The following NPFFR1 variants were observed in gnomAD, a reference collection of about 807,000 sequenced individuals.
The protein encoded by NPFFR1 is G-protein coupled receptor 147.
A neutral mutation model predicts 12.7 loss-of-function variants in NPFFR1; 17 were observed. That is an observed-to-expected ratio of 1.34 (90% CI 0.92 to 2.01). The LOEUF (loss-of-function observed/expected upper bound fraction) is 2.01. Among genes scored for constraint, NPFFR1 ranks in the 30% most tolerant of loss-of-function variants. The pLI is 0.00. For missense variants in NPFFR1, 604 were observed against 606.5 expected (o/e 1.00, Z 0.04); for synonymous variants, 296 against 264.5 (o/e 1.12, Z -1.16).
intron 1 of NPFFR1, among the ~76,000 whole-genome samples, chr10:70,270,215 G>C (rs1200305549): frequency 2.0e-5 from 3 of 152,060 alleles, no homozygotes; most frequent in Non-Finnish European, 2.9e-5. Flanking sequence ...CTGTAGGAAG[G>C]AAAAAAAGAA....
At chr10:70,257,891 T>G (rs1035278334) in intron 3 of NPFFR1, among the ~76,000 whole-genome samples, 3 of 152,216 alleles carry the variant, frequency 2.0e-5, no homozygotes, top group Non-Finnish European at 4.4e-5. Context: ...TAAATCTGGC[T>G]TACGTGCACG....
chr10:70,264,636 A>G (rs1375926523), intron 2 of NPFFR1, among the ~76,000 whole-genome samples: 1 of 152,130 alleles, frequency 6.6e-6, no homozygotes, highest in African/African-American at 2.4e-5. Flanking sequence ...GGGAAGTAAA[A>G]GTACGGGACT....
At chr10:70,263,491 T>G (rs1222878743) in intron 2 of NPFFR1, among the ~76,000 whole-genome samples, 1 of 152,076 alleles carries the variant, frequency 6.6e-6, no homozygotes, top group African/African-American at 2.4e-5. Context: ...GCCAGGATGG[T>G]CTCGATCTCC....
In NPFFR1 at chr10:70,252,703, G is replaced by A. The variant is rs1339409167; in HGVS notation, c.*2254C>T. On this transcript the variant is annotated 3_prime_UTR_variant, in exon 4 of 4. Transcript: ENST00000277942. ...AAAATAACAGCAAAATATGTTAATT[G>A]TAACCTTCAGCGAGAGCTGAAGGAG... 1 of 152,206 alleles carries A rather than the reference G, an allele frequency of 6.6e-6. No individual in the cohort carries two copies. The highest frequency in any genetic ancestry group is 1.5e-5 in the Non-Finnish European group (1 of 68,044). 9.4% of individuals were successfully genotyped at this position (152,206 alleles called of 1,614,324 possible). A position where few individuals can be genotyped will look rare whatever the true frequency, so the allele number is the denominator to read the frequency against.
intron 1 of NPFFR1, among the ~76,000 whole-genome samples, chr10:70,272,853 G>A (rs1840764058): frequency 6.6e-6 from 1 of 152,208 alleles, no homozygotes; most frequent in South Asian, 2.1e-4. Context: ...CTCAGGATGA[G>A]AGGGAAAGTA....
At chr10:70,262,237 T>C (rs1481612879) in intron 2 of NPFFR1, among the ~76,000 whole-genome samples, 1 of 152,140 alleles carries the variant, frequency 6.6e-6, no homozygotes. Flanking sequence ...TCTATCAGGA[T>C]ATGGTTGGGG....
At position 70,266,396 on chromosome 10, in the gene NPFFR1, G is replaced by T. The variant is rs759858753; in HGVS notation, c.8-5C>A. Reference sequence around the variant, plus strand: ...TGGGAGGCTGGGAGGGCTCCCCTAGGACCAAAGGAATATATTGGTCAGGAC... The same window carrying T: ...TGGGAGGCTGGGAGGGCTCCCCTAGTACCAAAGGAATATATTGGTCAGGAC... On this transcript the variant is annotated splice_region_variant and splice_polypyrimidine_tract_variant and intron_variant, in intron 1 of 3. Coordinates refer to ENST00000277942, the MANE Select transcript of NPFFR1 (RefSeq NM_022146.5). 2 of 1,608,004 alleles carry T rather than the reference G, an allele frequency of 1.2e-6. No homozygotes were observed. The highest frequency in any genetic ancestry group is 2.2e-5 in the South Asian group (2 of 89,986).
At position 70,255,822 on chromosome 10, in the gene NPFFR1, C is replaced by T. The variant is rs371308678; in HGVS notation, c.428G>A (p.Arg143His). The T allele has an allele frequency of 5.0e-6, 8 of 1,604,646 alleles. No individual in the cohort carries two copies. The highest frequency in any genetic ancestry group is 6.8e-6 in the Non-Finnish European group (8 of 1,175,718). ...TLVAIAVERF[R>H]CIVHPFREKL... ...CTCGCGGAAAGGGTGCACGATGCAG[C>T]GGAACCTGCCGCGGGGAGAGAGACA... Residue 143 changes from arginine (R) to histidine (H), a missense_variant, in exon 4 of 4, where the codon CGC becomes CAC. Arg to His is a conservative substitution (Grantham distance 29). Coordinates refer to ENST00000277942, the MANE Select transcript of NPFFR1 (RefSeq NM_022146.5). This position sits in a 1 kb window ranked among gnomAD's most constrained non-coding sequence, Gnocchi z 4.2.
chr10:70,266,357 G>A lies in NPFFR1; in HGVS notation c.42C>T (p.Pro14=), dbSNP rs750373399. Residue 14 remains proline, a synonymous_variant, in exon 2 of 4, where the codon CCC becomes CCT. Coordinates refer to ENST00000277942, the MANE Select transcript of NPFFR1 (RefSeq NM_022146.5). ...CAGTGTTAGTCCCATTCTGACTTAG[G>A]GGCCAACTGCTGTTGGGAGGCTGGG... ...EPSQPPNSSW[P]LSQNGTNTEA... is the part of the protein sequence containing the mutation. 1.9e-6 allele frequency: 3 copies of A among 1,613,554 alleles called. No individual in the cohort carries two copies. The highest frequency in any genetic ancestry group is 1.1e-5 in the South Asian group (1 of 90,930).
chr10:70,265,170 G>A (rs1479353770), intron 2 of NPFFR1, among the ~76,000 whole-genome samples: 1 of 152,202 alleles, frequency 6.6e-6, no homozygotes, highest in Non-Finnish European at 1.5e-5. Context: ...CTACAGAAAC[G>A]TGGGCTGTGG....
At position 70,266,237 on chromosome 10, in the gene NPFFR1, G is replaced by A; in HGVS notation, c.162C>T (p.Phe54=). The A allele has an allele frequency of 6.2e-7, 1 of 1,614,024 alleles. No homozygotes were observed. Residue 54 remains phenylalanine (F), a synonymous_variant, in exon 2 of 4, where the codon TTC becomes TTT. Transcript: ENST00000277942. ...AMFIVAYALI[F]LLCMVGNTLV... ...GGGTGTTGCCCACCATGCAGAGCAGGAAGATGAGCGCATAGGCCACAATGA... is the reference window on the plus strand; with the variant it reads ...GGGTGTTGCCCACCATGCAGAGCAGAAAGATGAGCGCATAGGCCACAATGA...
intron 1 of NPFFR1, among the ~76,000 whole-genome samples, chr10:70,270,887 C>A (rs538501660): frequency 6.6e-6 from 1 of 152,238 alleles, no homozygotes; most frequent in South Asian, 2.1e-4. Context: ...ATGGTTGTCT[C>A]CAGGGTACCC....
In NPFFR1 at chr10:70,255,943, G is replaced by C. The variant is rs1260924768; in HGVS notation, c.423-116C>G. The stretch of plus-strand genomic sequence containing the variant: ...TCATCGCATCTAGGGCGGCGTCGAA[G>C]AACAGCTCAGACCTGAATTGGCTGA... On this transcript the variant is annotated intron_variant, in intron 3 of 3. Transcript: ENST00000277942. The surrounding 1 kb of genome is among the most constrained non-coding windows in gnomAD (Gnocchi z 4.2). The C allele has an allele frequency of 7.1e-6, 8 of 1,125,134 alleles. No homozygotes were observed. The highest frequency in any genetic ancestry group is 1.0e-5 in the Non-Finnish European group (8 of 795,584). The allele number at this position is 1,125,134 out of a possible 1,614,324, so 69.7% of individuals were successfully genotyped here.
chr10:70,256,364 G>A (rs1840572871), intron 3 of NPFFR1, among the ~76,000 whole-genome samples: 1 of 152,232 alleles, frequency 6.6e-6, no homozygotes, highest in African/African-American at 2.4e-5. Context: ...TTATAGATAT[G>A]AGCCTCCTTG....
At chr10:70,282,213 T>C (rs1302025474) in intron 1 of NPFFR1, among the ~76,000 whole-genome samples, 1 of 152,182 alleles carries the variant, frequency 6.6e-6, no homozygotes, top group African/African-American at 2.4e-5. Flanking sequence ...ATCTTGGGTC[T>C]CTATTTCCTC....
rs986512299 is a variant in NPFFR1, at chr10:70,255,603, T to C, written c.647A>G (p.Tyr216Cys). Residue 216 changes from tyrosine to cysteine, a missense_variant, in exon 4 of 4, where the codon TAC becomes TGC. Tyr to Cys is a radical substitution (Grantham distance 194). Coordinates refer to ENST00000277942, the MANE Select transcript of NPFFR1 (RefSeq NM_022146.5). The surrounding 1 kb of genome is among the most constrained non-coding windows in gnomAD (Gnocchi z 4.2). ...GATGTGCGAGAAGAGCACAGTGGTG[T>C]AGACCCTGCGCATGCCCTTCTCGGG... ...AWPEKGMRRV[Y>C]TTVLFSHIYL... 1 of 1,559,670 alleles carries C rather than the reference T, an allele frequency of 6.4e-7. No individual in the cohort carries two copies. Among genetic ancestry groups the C allele is most frequent in the South Asian group, 1.2e-5 (1 of 84,522 alleles).
chr10:70,262,865 T>G lies in NPFFR1; in HGVS notation c.323-2126A>C, dbSNP rs184999935. Among the ~76,000 whole-genome samples, 3 of 152,300 alleles carry G rather than the reference T, an allele frequency of 2.0e-5. No individual in the cohort carries two copies. The East Asian group carries it at 5.8e-4, about 29-fold the overall frequency. ...CCCATGAGCACACCTAGAACCCAGA[T>G]CTTGGCTTCTAAATACTATTCTCAG... On this transcript the variant is annotated intron_variant, in intron 2 of 3. Coordinates refer to ENST00000277942, the MANE Select transcript of NPFFR1 (RefSeq NM_022146.5).
In NPFFR1 at chr10:70,254,796, A is replaced by T; in HGVS notation, c.*161T>A. On this transcript the variant is annotated 3_prime_UTR_variant, in exon 4 of 4. Transcript: ENST00000277942. ...CCGCATTTGCCTCTACTGAGGGTGA[A>T]GGCAGCAGAGAAGACATCACCAGCA... 2 of 832,308 alleles carry T rather than the reference A, an allele frequency of 2.4e-6. No individual in the cohort carries two copies. The highest frequency in any genetic ancestry group is 3.3e-5 in the East Asian group (1 of 30,300). The allele number at this position is 832,308 out of a possible 1,614,324, so 51.6% of individuals were successfully genotyped here.
chr10:70,255,112 C>G lies in NPFFR1; in HGVS notation c.1138G>C (p.Asp380His). The G allele has an allele frequency of 6.7e-7, 1 of 1,495,172 alleles. No homozygotes were observed. The highest frequency in any genetic ancestry group is 8.9e-7 in the Non-Finnish European group (1 of 1,126,044). 92.6% of individuals were successfully genotyped at this position (1,495,172 alleles called of 1,614,324 possible). The change falls in exon 4 of 4, where the codon GAC becomes CAC. Residue 380 changes from aspartate (D) to histidine (H), a missense_variant. By Grantham distance (81) the Asp-to-His change is moderately conservative. Coordinates refer to ENST00000277942, the MANE Select transcript of NPFFR1 (RefSeq NM_022146.5). This position sits in a 1 kb window ranked among gnomAD's most constrained non-coding sequence, Gnocchi z 4.2. ...CCCGACTCAGAGGGCAGCCCGGAGTCGCTGGGCCGCACCACCACGAAGACC... is the reference window on the plus strand; with the variant it reads ...CCCGACTCAGAGGGCAGCCCGGAGTGGCTGGGCCGCACCACCACGAAGACC... Reference protein sequence around the residue: ...RRVFVVVRPSDSGLPSESGPS... With the variant: ...RRVFVVVRPSHSGLPSESGPS...
Sources: allele counts gnomAD v4.1 joint callset (sites outside exome capture counted in the v4.1 genomes callset), GRCh38; gene constraint gnomAD v4.1.1; non-coding constraint Gnocchi (gnomAD v3.1); transcripts MANE v1.5; gene names NCBI Gene and HGNC (gene_info 2026-07-23, HGNC 2026-07-21).